The following CACNA2D1 variants were observed in gnomAD, a reference collection of about 807,000 sequenced individuals.
CACNA2D1 encodes voltage-dependent calcium channel subunit alpha-2/delta-1.
In CACNA2D1, 53 loss-of-function variants were observed where a neutral mutation model predicts 171.5. That is an observed-to-expected ratio of 0.31 (90% CI 0.25 to 0.39). The LOEUF is 0.39. Among genes scored for constraint, CACNA2D1 ranks in the 10% least tolerant of loss-of-function variants. The pLI, the probability that CACNA2D1 is intolerant of heterozygous loss-of-function variation, is 1.00. For missense variants in CACNA2D1, 903 were observed against 1,299.8 expected, an observed-to-expected ratio of 0.69 and a Z score of 4.69; for synonymous variants, 442 against 443.1, an observed-to-expected ratio of 1.00 and a Z score of 0.03.
chr7:82,035,295 A>C (rs2131176370), intron 11 of CACNA2D1, among the ~76,000 whole-genome samples: 1 of 152,146 alleles, frequency 6.6e-6, no homozygotes, highest in South Asian at 2.1e-4. Flanking sequence ...GATATGTCTA[A>C]TGCTATTTAA....
chr7:82,275,042 T>C lies in CACNA2D1; in HGVS notation c.294+60093A>G, dbSNP rs1010946711. Among the ~76,000 whole-genome samples the C allele has an allele frequency of 1.1e-4, 16 of 152,252 alleles. No individual in the cohort carries two copies. The South Asian group carries it at 1.9e-3, about 18-fold the overall frequency. On this transcript the variant is annotated intron_variant, in intron 3 of 38. Coordinates refer to ENST00000356860, the MANE Select transcript of CACNA2D1 (RefSeq NM_000722.4). ...ATACTGAGTGAAAATTATTTGCTCA[T>C]GAACCAATCTCATATGCAAGCACTA...
chr7:82,387,099 A>AT (rs201727166), intron 1 of CACNA2D1, among the ~76,000 whole-genome samples: 1,759 of 152,230 alleles, frequency 0.012, 31 homozygotes, highest in African/African-American at 0.04. Flanking sequence ...TTTGAGAACA[A>AT]TTAGGTCATT....
intron 10 of CACNA2D1, among the ~76,000 whole-genome samples, chr7:82,053,651 C>G (rs1162797063): frequency 6.6e-6 from 1 of 152,144 alleles, no homozygotes; most frequent in Admixed American, 6.6e-5. Context: ...TCTCCAGAAG[C>G]AGAGTGGAAA....
At chr7:82,334,811 C>G (rs993404096) in intron 3 of CACNA2D1, among the ~76,000 whole-genome samples, 1 of 151,802 alleles carries the variant, frequency 6.6e-6, no homozygotes, top group Non-Finnish European at 1.5e-5. Flanking sequence ...TAAACATGTT[C>G]AATTATTATT....
At chr7:82,107,850 C>T (rs887838787) in intron 6 of CACNA2D1, among the ~76,000 whole-genome samples, 5 of 152,148 alleles carry the variant, frequency 3.3e-5, no homozygotes, top group Middle Eastern at 3.4e-3. Context: ...TCCCAAAGTG[C>T]GGGGATTATA....
chr7:82,213,089 C>T (rs1990073), intron 3 of CACNA2D1, among the ~76,000 whole-genome samples: 39,581 of 151,734 alleles, frequency 0.26, 5,810 homozygotes, highest in East Asian at 0.47. Flanking sequence ...TTAGTAGAGA[C>T]GGGGTTTCAC....
At chr7:82,337,575 T>C (rs1344515242) in intron 2 of CACNA2D1, among the ~76,000 whole-genome samples, 2 of 152,234 alleles carry the variant, frequency 1.3e-5, no homozygotes, top group Non-Finnish European at 2.9e-5. Flanking sequence ...TTCCTCTTCT[T>C]CAGTTTACTG....
At chr7:82,017,824 G>A (rs1800688341) in intron 12 of CACNA2D1, among the ~76,000 whole-genome samples, 1 of 152,026 alleles carries the variant, frequency 6.6e-6, no homozygotes, top group Admixed American at 6.6e-5. Context: ...TGCTTAACTA[G>A]TAGTCACACA....
chr7:82,084,643 G>T, intron 7 of CACNA2D1, 126 bp downstream of exon 7: 1 of 1,103,288 alleles, frequency 9.1e-7, no homozygotes, highest in Non-Finnish European at 1.4e-6. Flanking sequence ...AAAGAGGAAT[G>T]TTCTTTCCTT....
chr7:82,167,959 T>C (rs1795640084), intron 4 of CACNA2D1, among the ~76,000 whole-genome samples: 2 of 152,268 alleles, frequency 1.3e-5, no homozygotes, highest in Middle Eastern at 3.4e-3. Flanking sequence ...GTAATGGCTT[T>C]TGTATTATTG....
chr7:82,106,478 T>C (rs1787774224), intron 6 of CACNA2D1, among the ~76,000 whole-genome samples: 1 of 152,144 alleles, frequency 6.6e-6, no homozygotes. Context: ...AGGCACTGAA[T>C]TTTGCACACA....
chr7:82,195,977 T>C lies in CACNA2D1; in HGVS notation c.295-25368A>G, dbSNP rs543162439. Among the ~76,000 whole-genome samples, 11 of 152,182 alleles carry C rather than the reference T, an allele frequency of 7.2e-5. No homozygotes were observed. In the South Asian group the frequency reaches 2.3e-3, roughly 32 times the overall value. ...TCTGCAGAAATTCCCACTTTGGGGT[T>C]ATCTAAATGTAGTCACTGAGCAATT... On this transcript the variant is annotated intron_variant, in intron 3 of 38. Transcript: ENST00000356860.
At chr7:82,081,675 T>C (rs1019397954) in intron 7 of CACNA2D1, among the ~76,000 whole-genome samples, 2 of 152,118 alleles carry the variant, frequency 1.3e-5, no homozygotes, top group Admixed American at 6.6e-5. Context: ...GTGCAGGACT[T>C]TTCTTGGTCA....
In CACNA2D1 at chr7:82,306,313, T is replaced by C. The variant is rs534041796; in HGVS notation, c.294+28822A>G. On this transcript the variant is annotated intron_variant, in intron 3 of 38. Transcript: ENST00000356860. ...ACAAGTAAGATTTTAAGCAGCACAC[T>C]CTTTGTTCTGAATTTGCCAACCTCT... Among the ~76,000 whole-genome samples the C allele has an allele frequency of 3.9e-4, 59 of 152,296 alleles. 1 individual carries two copies. In the Middle Eastern group the frequency reaches 0.01, roughly 26 times the overall value.
At chr7:82,385,043 C>T (rs1254465202) in intron 1 of CACNA2D1, among the ~76,000 whole-genome samples, 2 of 152,144 alleles carry the variant, frequency 1.3e-5, no homozygotes, top group Non-Finnish European at 2.9e-5. Flanking sequence ...TTAATGACTC[C>T]CTCCCCTTCC....
chr7:82,410,372 T>G, intron 1 of CACNA2D1: 1 of 286,564 alleles, frequency 3.5e-6, no homozygotes, highest in East Asian at 1.7e-4. Context: ...TCATAGCGGT[T>G]TACCTAATCC....
chr7:82,243,683 G>T (rs1804585100), intron 3 of CACNA2D1, among the ~76,000 whole-genome samples: 1 of 152,158 alleles, frequency 6.6e-6, no homozygotes, highest in South Asian at 2.1e-4. Context: ...CTGAAGTACA[G>T]GGAAGCCATG....
At chr7:82,223,097 G>T (rs867400053) in intron 3 of CACNA2D1, among the ~76,000 whole-genome samples, 2 of 151,570 alleles carry the variant, frequency 1.3e-5, no homozygotes, top group Non-Finnish European at 2.9e-5. Flanking sequence ...GTAGAGACAG[G>T]GTTTCAACAT....
intron 21 of CACNA2D1, 82 bp from the exon 22 acceptor site, chr7:81,984,793 G>T: frequency 1.3e-6 from 1 of 784,338 alleles, no homozygotes; most frequent in Non-Finnish European, 2.2e-6. Context: ...CAAGTTCATG[G>T]GAAAATCGAA....
Sources: gnomAD v4.1 joint callset for allele counts (sites outside exome capture counted in the v4.1 genomes callset) on GRCh38, gnomAD v4.1.1 for gene constraint, MANE v1.5 for transcripts, NCBI Gene and HGNC (gene_info 2026-07-23, HGNC 2026-07-21) for gene names.